The following USP6NL variants were observed in gnomAD, a reference collection of about 807,000 sequenced individuals.
USP6NL encodes the protein USP6 N-terminal like, also known as USP6 N-terminal-like protein.
USP6NL carries 26 observed loss-of-function variants against 61.9 expected under a neutral mutation model. That is an observed-to-expected ratio of 0.42 (90% CI 0.31 to 0.58). USP6NL has a LOEUF of 0.58. Among genes scored for constraint, USP6NL ranks in the 20% least tolerant of loss-of-function variants. The pLI is 0.16. For missense variants in USP6NL, 1,114 were observed against 1,034.3 expected (o/e 1.08, Z -1.06); for synonymous variants, 432 against 390.1 (o/e 1.11, Z -1.27).
chr10:11,475,989 T>A (rs2133199755), intron 14 of USP6NL, among the ~76,000 whole-genome samples: 1 of 152,064 alleles, frequency 6.6e-6, no homozygotes, highest in South Asian at 2.1e-4. Context: ...ACCAGACAAC[T>A]CCTGAGTGTG....
rs780743056 is a variant in USP6NL, at chr10:11,537,741, T to C, written c.5-10174A>G. Among the ~76,000 whole-genome samples the C allele has an allele frequency of 2.0e-5, 3 of 152,228 alleles. No homozygotes were observed. The highest frequency in any genetic ancestry group is 4.4e-5 in the Non-Finnish European group (3 of 68,034). On this transcript the variant is annotated intron_variant, in intron 2 of 14. Coordinates refer to ENST00000609104, the MANE Select transcript of USP6NL (RefSeq NM_014688.5). This position sits in a 1 kb window ranked among gnomAD's most constrained non-coding sequence, Gnocchi z 5.1. ...GCTAGCTTGGCCTCCCCTTTCCCTA[T>C]GGTGAGCACTGCCGGGGTGGAAGGA... is the stretch of plus-strand genomic sequence containing the variant.
At position 11,585,946 on chromosome 10, in the gene USP6NL, A is replaced by T. The variant is rs989136331; in HGVS notation, c.4+11685T>A. Among the ~76,000 whole-genome samples, 3 of 152,356 alleles carry T rather than the reference A, an allele frequency of 2.0e-5. No individual in the cohort carries two copies. The highest frequency in any genetic ancestry group is 4.8e-5 in the African/African-American group (2 of 41,582). On this transcript the variant is annotated intron_variant, in intron 2 of 14. Coordinates refer to ENST00000609104, the MANE Select transcript of USP6NL (RefSeq NM_014688.5). This position sits in a 1 kb window ranked among gnomAD's most constrained non-coding sequence, Gnocchi z 4.5. Reference sequence around the variant, plus strand: ...CGGGAAGAGGAAGAAACAGAGCATTAGTGTTTAATGGGTACAGAGCCTCCA... The same window carrying T: ...CGGGAAGAGGAAGAAACAGAGCATTTGTGTTTAATGGGTACAGAGCCTCCA...
chr10:11,571,610 C>T (rs1837364418), intron 2 of USP6NL, among the ~76,000 whole-genome samples: 1 of 151,798 alleles, frequency 6.6e-6, no homozygotes, highest in South Asian at 2.1e-4. Flanking sequence ...ATTCTCTCTA[C>T]ATCCATCCAA....
intron 1 of USP6NL, among the ~76,000 whole-genome samples, chr10:11,599,966 C>T (rs1006901794): frequency 1.3e-5 from 2 of 152,006 alleles, no homozygotes; most frequent in African/African-American, 2.4e-5. Context: ...GCCCCTCCGA[C>T]CTACTTTCAA....
Position 11,485,854 on chromosome 10 carries a change from A to G in USP6NL, c.722T>C (p.Ile241Thr), listed in dbSNP as rs1311914124. The change falls in exon 11 of 15, where the codon ATA becomes ACA. Residue 241 changes from isoleucine to threonine, a missense_variant. By Grantham distance (89) the Ile-to-Thr change is moderately conservative. Coordinates refer to ENST00000609104, the MANE Select transcript of USP6NL (RefSeq NM_014688.5). The surrounding 1 kb of genome is among the most constrained non-coding windows in gnomAD (Gnocchi z 4.8). Reference protein sequence around the residue: ...LLRFQEHHEKILNKFLSKLKQ... With the variant: ...LLRFQEHHEKTLNKFLSKLKQ... Reference sequence around the variant, plus strand: ...AAGCTTGGACAGAAATTTGTTCAGTATTTTTTCATGATGTTCTTGAAACCT... The same window carrying G: ...AAGCTTGGACAGAAATTTGTTCAGTGTTTTTTCATGATGTTCTTGAAACCT... 7.1e-6 allele frequency: 11 copies of G among 1,556,968 alleles called. No homozygotes were observed. The highest frequency in any genetic ancestry group is 2.4e-5 in the East Asian group (1 of 42,304).
chr10:11,593,266 GT>G (rs1391872282), intron 2 of USP6NL, among the ~76,000 whole-genome samples: 1 of 152,050 alleles, frequency 6.6e-6, no homozygotes, highest in Non-Finnish European at 1.5e-5. Context: ...TTGTTTTTTA[GT>G]TTTTGTTTTT....
intron 7 of USP6NL, among the ~76,000 whole-genome samples, chr10:11,498,881 T>C (rs1484629032): frequency 6.6e-6 from 1 of 152,120 alleles, no homozygotes; most frequent in East Asian, 1.9e-4. Context: ...CTCCTACTTT[T>C]AGAGTATTTA....
chr10:11,581,881 C>A (rs985568186), intron 2 of USP6NL, among the ~76,000 whole-genome samples: 2 of 152,120 alleles, frequency 1.3e-5, no homozygotes, highest in African/African-American at 4.8e-5. Context: ...ACATGATTCT[C>A]CCTGCCTCAG....
At chr10:11,584,519 T>A (rs1837900535) in intron 2 of USP6NL, among the ~76,000 whole-genome samples, 1 of 152,188 alleles carries the variant, frequency 6.6e-6, no homozygotes, top group Non-Finnish European at 1.5e-5. Context: ...GCCAAACTCA[T>A]CTTTGGTACT....
At chr10:11,516,704 T>C (rs1432925118) in intron 5 of USP6NL, among the ~76,000 whole-genome samples, 2 of 152,180 alleles carry the variant, frequency 1.3e-5, no homozygotes, top group Admixed American at 6.5e-5. Flanking sequence ...CAAGTGAATA[T>C]AAAGTTATAT....
In USP6NL at chr10:11,562,645, T is replaced by C; in HGVS notation, c.4+34986A>G. On this transcript the variant is annotated intron_variant, in intron 2 of 14. Coordinates refer to ENST00000609104, the MANE Select transcript of USP6NL (RefSeq NM_014688.5). The surrounding 1 kb of genome is among the most constrained non-coding windows in gnomAD (Gnocchi z 4.8). ...AACACTGAACAGTCCTCTAATTATTTGTGACACTCAACATTCATATGTTGT... is the reference window on the plus strand; with the variant it reads ...AACACTGAACAGTCCTCTAATTATTCGTGACACTCAACATTCATATGTTGT... 1 of 985,442 alleles carries C rather than the reference T, an allele frequency of 1.0e-6. No homozygotes were observed. The highest frequency in any genetic ancestry group is 1.2e-6 in the Non-Finnish European group (1 of 829,932). 61.0% of individuals were successfully genotyped at this position (985,442 alleles called of 1,614,324 possible). A position where few individuals can be genotyped will look rare whatever the true frequency, so the allele number is the denominator to read the frequency against.
In USP6NL at chr10:11,537,661, C is replaced by G. The variant is rs1835884496; in HGVS notation, c.5-10094G>C. Among the ~76,000 whole-genome samples the G allele has an allele frequency of 6.6e-6, 1 of 152,108 alleles. No individual in the cohort carries two copies. The highest frequency in any genetic ancestry group is 2.1e-4 in the South Asian group (1 of 4,828). ...ACTCTTCAAACAAATTCTATAAATGCCCAGTTGCCAAGCAAGTAGGGTCAG... is the reference window on the plus strand; with the variant it reads ...ACTCTTCAAACAAATTCTATAAATGGCCAGTTGCCAAGCAAGTAGGGTCAG... On this transcript the variant is annotated intron_variant, in intron 2 of 14. Coordinates refer to ENST00000609104, the MANE Select transcript of USP6NL (RefSeq NM_014688.5). The surrounding 1 kb of genome is among the most constrained non-coding windows in gnomAD (Gnocchi z 5.1).
intron 7 of USP6NL, among the ~76,000 whole-genome samples, chr10:11,500,817 G>A (rs1192902127): frequency 6.6e-6 from 1 of 152,054 alleles, no homozygotes; most frequent in African/African-American, 2.4e-5. Context: ...ATGCAACCAC[G>A]TCCTAACATT....
chr10:11,512,186 G>T (rs146154773), intron 5 of USP6NL, among the ~76,000 whole-genome samples: 1 of 152,252 alleles, frequency 6.6e-6, no homozygotes, highest in African/African-American at 2.4e-5. Context: ...TAGTGTATTA[G>T]AAACTCCACT....
At chr10:11,519,985 T>C (rs1287751803) in intron 4 of USP6NL, among the ~76,000 whole-genome samples, 1 of 152,222 alleles carries the variant, frequency 6.6e-6, no homozygotes, top group Non-Finnish European at 1.5e-5. Flanking sequence ...GCACTCTTTT[T>C]CTACTCTGAG....
At chr10:11,526,013 G>A (rs141515285) in intron 3 of USP6NL, among the ~76,000 whole-genome samples, 1 of 151,726 alleles carries the variant, frequency 6.6e-6, no homozygotes, top group Non-Finnish European at 1.5e-5. Context: ...CTCATCTAAC[G>A]GATCTCTGAA....
At chr10:11,497,278 G>C (rs1292062518) in intron 7 of USP6NL, among the ~76,000 whole-genome samples, 1 of 151,534 alleles carries the variant, frequency 6.6e-6, no homozygotes, top group Non-Finnish European at 1.5e-5. Context: ...GGGCATGGTG[G>C]CGGGCACCTG....
At position 11,490,741 on chromosome 10, in the gene USP6NL, G is replaced by A. The variant is rs1833680857; in HGVS notation, c.543+91C>T. The A allele has an allele frequency of 2.3e-6, 3 of 1,286,234 alleles. No homozygotes were observed. The highest frequency in any genetic ancestry group is 1.8e-4 in the Middle Eastern group (1 of 5,470). 79.7% of individuals were successfully genotyped at this position (1,286,234 alleles called of 1,614,324 possible). On this transcript the variant is annotated intron_variant, in intron 9 of 14. Coordinates refer to ENST00000609104, the MANE Select transcript of USP6NL (RefSeq NM_014688.5). This position sits in a 1 kb window ranked among gnomAD's most constrained non-coding sequence, Gnocchi z 4.5. Reference sequence around the variant, plus strand: ...GAGACCATGGAGACCACCTAGCTCTGAGATGCAGAAATGTGCCCACAGGGC... The same window carrying A: ...GAGACCATGGAGACCACCTAGCTCTAAGATGCAGAAATGTGCCCACAGGGC...
rs1833235147 is a variant in USP6NL at position 11,482,324 on chromosome 10, C to T, written c.926-402G>A. On this transcript the variant is annotated intron_variant, in intron 13 of 14. Transcript: ENST00000609104. This position sits in a 1 kb window ranked among gnomAD's most constrained non-coding sequence, Gnocchi z 4.0. ...GAAGCCCCATTTTAAGTCTGTATTT[C>T]TTACTGTTTCAGAATTTCCCAGAAC... Among the ~76,000 whole-genome samples, 2 of 152,298 alleles carry T rather than the reference C, an allele frequency of 1.3e-5. No individual in the cohort carries two copies. The highest frequency in any genetic ancestry group is 4.1e-4 in the South Asian group (2 of 4,828).
Sources: gnomAD v4.1 joint callset for allele counts (sites outside exome capture counted in the v4.1 genomes callset) on GRCh38, gnomAD v4.1.1 for gene constraint, Gnocchi (gnomAD v3.1) non-coding constraint, MANE v1.5 for transcripts, NCBI Gene and HGNC (gene_info 2026-07-23, HGNC 2026-07-21) for gene names.